Variants in THSD4 observed in about 807,000 individuals in gnomAD.
THSD4 encodes thrombospondin type 1 domain containing 4.
Under a neutral mutation model 119.0 loss-of-function variants are expected in THSD4, and 69 were observed. That is an observed-to-expected ratio of 0.58 (90% CI 0.48 to 0.71). The LOEUF (loss-of-function observed/expected upper bound fraction) is 0.71, where lower values mean the gene tolerates loss of function less well. THSD4 is among the 30% of genes least tolerant of loss of function. THSD4 has a pLI of 0.00. For synonymous variants in THSD4, 524 were observed against 540.4 expected, an observed-to-expected ratio of 0.97 and a Z score of 0.42; for missense variants, 1,393 against 1,391.1, an observed-to-expected ratio of 1.00 and a Z score of -0.02.
In THSD4 at chr15:71,454,158, G is replaced by A. The variant is rs527403023; in HGVS notation, c.1152+42335G>A. On this transcript the variant is annotated intron_variant, in intron 7 of 17. Transcript: ENST00000261862. ...TGTAATTCCAGCTACTTGGGAGGCT[G>A]AGGCAGGAGAATCGCTTGAACCCAG... Among the ~76,000 whole-genome samples, 4 of 152,272 alleles carry A rather than the reference G, an allele frequency of 2.6e-5. No individual in the cohort carries two copies. The South Asian group carries it at 8.3e-4, about 32-fold the overall frequency.
chr15:71,506,517 C>T (rs548202533), intron 7 of THSD4, among the ~76,000 whole-genome samples: 7 of 152,342 alleles, frequency 4.6e-5, no homozygotes, highest in African/African-American at 1.7e-4. Flanking sequence ...TTGCAGGTGG[C>T]CTGCTTTGTC....
intron 5 of THSD4, 145 bp from the exon 6 acceptor site, chr15:71,256,468 T>TC: frequency 2.6e-6 from 1 of 382,842 alleles, no homozygotes; most frequent in South Asian, 7.7e-5. Context: ...AGGGTGAGAC[T>TC]CCATCTCAAA....
intron 10 of THSD4, among the ~76,000 whole-genome samples, chr15:71,736,600 GGTCTCT>G (rs1159474404): frequency 6.9e-6 from 1 of 145,158 alleles, no homozygotes; most frequent in Non-Finnish European, 1.5e-5. Context: ...TTGCTCTCTT[GGTCTCT>G]GTCTCTGTCT....
rs970167066 is a variant in THSD4 at position 71,783,323 on chromosome 15, G to A, written c.*5949G>A. ...CTTTCTCTGGCCTTATTCGCGTTCT[G>A]TTCTCCTGCAAATAGCGCCCTCTAA... On this transcript the variant is annotated 3_prime_UTR_variant, in exon 18 of 18. Transcript: ENST00000261862. 1 of 152,006 alleles carries A rather than the reference G, an allele frequency of 6.6e-6. No individual in the cohort carries two copies. Among genetic ancestry groups the A allele is most frequent in the African/African-American group, 2.4e-5 (1 of 41,370 alleles). 9.4% of individuals were successfully genotyped at this position (152,006 alleles called of 1,614,324 possible). A position where few individuals can be genotyped will look rare whatever the true frequency, so the allele number is the denominator to read the frequency against.
chr15:71,479,842 A>G (rs1429866897), intron 7 of THSD4, among the ~76,000 whole-genome samples: 1 of 152,216 alleles, frequency 6.6e-6, no homozygotes. Context: ...GAGTTTTTTA[A>G]TGCAAAAAAT....
At position 71,673,604 on chromosome 15, in the gene THSD4, C is replaced by T. The variant is rs565455133; in HGVS notation, c.1357+12870C>T. ...GTTAGGGTGTCAATTTTAGATCTTTCCTGCTTTCTCTTGTGGGCATTTAGT... is the reference window on the plus strand; with the variant it reads ...GTTAGGGTGTCAATTTTAGATCTTTTCTGCTTTCTCTTGTGGGCATTTAGT... On this transcript the variant is annotated intron_variant, in intron 8 of 17. Transcript: ENST00000261862. 3.3e-5 allele frequency among the ~76,000 whole-genome samples: 5 copies of T among 152,232 alleles called. No homozygotes were observed. The East Asian group carries it at 9.6e-4, about 29-fold the overall frequency.
chr15:71,582,857 T>A (rs956813973), intron 7 of THSD4, among the ~76,000 whole-genome samples: 3 of 152,178 alleles, frequency 2.0e-5, no homozygotes, highest in African/African-American at 7.2e-5. Context: ...ATGTTCCTTT[T>A]GATGTGGTTT....
rs760270376 is a variant in THSD4 at position 71,235,583 on chromosome 15, C to CTCTT, written c.465-7065_465-7064insCTTT. On this transcript the variant is annotated intron_variant, in intron 4 of 17. Transcript: ENST00000261862. ...AAGATGCAAGGAATGCCACCTCTCT[C>CTCTT]TTTTTTTTTTTTTTTTTTTTTTGAG... Among the ~76,000 whole-genome samples, 214 of 127,226 alleles carry CTCTT rather than the reference C, an allele frequency of 1.7e-3. 1 individual carries two copies. The highest frequency in any genetic ancestry group is 7.0e-3 in the Admixed American group (86 of 12,328). The allele number at this position is 127,226 out of a possible 152,430, so 83.5% of individuals were successfully genotyped here. A position where few individuals can be genotyped will look rare whatever the true frequency, so the allele number is the denominator to read the frequency against.
intron 8 of THSD4, among the ~76,000 whole-genome samples, chr15:71,686,349 G>T (rs1393547736): frequency 6.6e-6 from 1 of 152,166 alleles, no homozygotes; most frequent in Non-Finnish European, 1.5e-5. Context: ...AGTGTAGTCT[G>T]CATGATTTTG....
At chr15:71,273,434 A>G (rs2044556132) in intron 6 of THSD4, among the ~76,000 whole-genome samples, 1 of 152,188 alleles carries the variant, frequency 6.6e-6, no homozygotes, top group South Asian at 2.1e-4. Context: ...AAAGGGCACA[A>G]AATTGCAGTG....
chr15:71,265,569 C>T (rs1024509514), intron 6 of THSD4, among the ~76,000 whole-genome samples: 3 of 151,714 alleles, frequency 2.0e-5, no homozygotes, highest in African/African-American at 4.8e-5. Context: ...GTTTTTTTTT[C>T]GTACCCCAGT....
At chr15:71,145,907 G>A (rs1283646603) in intron 2 of THSD4, among the ~76,000 whole-genome samples, 1 of 152,014 alleles carries the variant, frequency 6.6e-6, no homozygotes, top group East Asian at 1.9e-4. Context: ...AAAGGGAAGG[G>A]GAGGCCAGGC....
chr15:71,215,523 G>A, intron 4 of THSD4, 124 bp downstream of exon 4: 2 of 1,055,962 alleles, frequency 1.9e-6, no homozygotes, highest in South Asian at 2.1e-5. Context: ...GCTCTGCCAG[G>A]TGGCAAGGAG....
rs77470197 is a variant in THSD4 at position 71,458,862 on chromosome 15, A to C, written c.1152+47039A>C. ...GCAACTTTAGGTTATAGTCTTTCAC[A>C]CAGAATTTTTAAAAACAAAAACTTA... On this transcript the variant is annotated intron_variant, in intron 7 of 17. Transcript: ENST00000261862. 2.6e-5 allele frequency among the ~76,000 whole-genome samples: 4 copies of C among 152,352 alleles called. No homozygotes were observed. The South Asian group carries it at 8.3e-4, about 32-fold the overall frequency.
chr15:71,449,799 AC>A (rs1183967132), intron 7 of THSD4, among the ~76,000 whole-genome samples: 5 of 152,188 alleles, frequency 3.3e-5, no homozygotes, highest in Admixed American at 3.3e-4. Context: ...ATTGATTTAT[AC>A]CCAATATGCA....
In THSD4 at chr15:71,777,489, A is replaced by T. The variant is rs1567148638; in HGVS notation, c.*115A>T. 7.1e-7 allele frequency: 1 copy of T among 1,414,234 alleles called. No individual in the cohort carries two copies. The highest frequency in any genetic ancestry group is 2.5e-5 in the East Asian group (1 of 40,062). The allele number at this position is 1,414,234 out of a possible 1,614,324, so 87.6% of individuals were successfully genotyped here. A position where few individuals can be genotyped will look rare whatever the true frequency, so the allele number is the denominator to read the frequency against. The stretch of plus-strand genomic sequence containing the variant: ...CCCCTGGCCCAGGCGCTGCCAACCA[A>T]CTTAGTCACCACCCCTGCCTCCGGT... On this transcript the variant is annotated 3_prime_UTR_variant, in exon 18 of 18. Coordinates refer to ENST00000261862, the MANE Select transcript of THSD4 (RefSeq NM_024817.3).
At chr15:71,607,089 G>A (rs12595125) in intron 7 of THSD4, among the ~76,000 whole-genome samples, 64,420 of 152,030 alleles carry the variant, frequency 0.42, 14,032 homozygotes, top group East Asian at 0.75. Flanking sequence ...GATACAAATG[G>A]AGATACAGTA....
chr15:71,544,613 TAAAC>T (rs1022118202), intron 7 of THSD4, among the ~76,000 whole-genome samples: 6 of 152,196 alleles, frequency 3.9e-5, no homozygotes, highest in African/African-American at 1.4e-4. Context: ...CTCAAAAAGT[TAAAC>T]ATAGAATTAC....
At chr15:71,729,967 G>A (rs1382627219) in intron 9 of THSD4, 1 of 152,102 alleles carries the variant, frequency 6.6e-6, no homozygotes, top group Non-Finnish European at 1.5e-5. Context: ...ATTGGTTCCT[G>A]GGTAGGAGAA....
Sources: allele counts gnomAD v4.1 joint callset (sites outside exome capture counted in the v4.1 genomes callset), GRCh38; gene constraint gnomAD v4.1.1; transcripts MANE v1.5; gene names NCBI Gene and HGNC (gene_info 2026-07-23, HGNC 2026-07-21).